The following CLIP4 variants were observed in gnomAD, a reference collection of about 807,000 sequenced individuals.
CLIP4 encodes the protein CAP-Gly domain-containing linker protein 4.
A neutral mutation model predicts 73.1 loss-of-function variants in CLIP4; 47 were observed. That is an observed-to-expected ratio of 0.64 (90% CI 0.51 to 0.82). The LOEUF is 0.82. Among genes scored for constraint, CLIP4 ranks in the 40% least tolerant of loss-of-function variants. The pLI is 0.00. For missense variants in CLIP4, 874 were observed against 852.9 expected, an observed-to-expected ratio of 1.02 and a Z score of -0.31; for synonymous variants, 306 against 295.4, an observed-to-expected ratio of 1.04 and a Z score of -0.37.
intron 4 of CLIP4, among the ~76,000 whole-genome samples, chr2:29,133,111 C>T (rs1010327473): frequency 6.6e-6 from 1 of 152,038 alleles, no homozygotes; most frequent in African/African-American, 2.4e-5. Flanking sequence ...TCGTGTAAGC[C>T]CAGTAGTTGA....
At chr2:29,133,549 A>G (rs1665130178) in intron 4 of CLIP4, 106 bp from the exon 5 acceptor site, 2 of 1,000,044 alleles carry the variant, frequency 2.0e-6, no homozygotes, top group Admixed American at 2.7e-5. Flanking sequence ...AAGTGTGTCT[A>G]TACAGTGCAC....
At position 29,181,729 on chromosome 2, in the gene CLIP4, A is replaced by G. The variant is rs894589143; in HGVS notation, c.1954A>G (p.Ile652Val). Residue 652 changes from isoleucine to valine, a missense_variant, in exon 16 of 16, where the codon ATC (isoleucine) becomes GTC (valine). Physicochemically the swap from Ile to Val is conservative, Grantham distance 29. Coordinates refer to ENST00000320081, the MANE Select transcript of CLIP4 (RefSeq NM_024692.6). ...YVGPTDFASG[I>V]WLGLELRSAK... ...GGGCCCCACTGACTTTGCTTCAGGT[A>G]TCTGGCTTGGACTTGAGCTCCGAAG... 4 of 1,614,058 alleles carry G rather than the reference A, an allele frequency of 2.5e-6. No homozygotes were observed. Among genetic ancestry groups the G allele is most frequent in the Non-Finnish European group, 2.5e-6 (3 of 1,180,030 alleles).
upstream of CLIP4, among the ~76,000 whole-genome samples, chr2:29,111,004 C>G (rs1240943231): frequency 6.6e-6 from 1 of 152,046 alleles, no homozygotes; most frequent in Admixed American, 6.6e-5. Context: ...AAGCCATAGA[C>G]TGAATAAGGT....
chr2:29,107,379 T>TTTTTTTTTG (rs1668254316), intron 1 of CLIP4, among the ~76,000 whole-genome samples: 1 of 129,974 alleles, frequency 7.7e-6, no homozygotes, highest in African/African-American at 3.0e-5. Flanking sequence ...TTTTTTTTTT[T>TTTTTTTTTG]TTTTTTTTTT....
intron 14 of CLIP4, among the ~76,000 whole-genome samples, chr2:29,172,252 A>G (rs1460090823): frequency 2.0e-5 from 3 of 152,068 alleles, no homozygotes; most frequent in East Asian, 1.9e-4. Flanking sequence ...TGTTACTCTC[A>G]TATTTCCCAG....
At chr2:29,152,598 A>C (rs1666646788) in intron 8 of CLIP4, 87 bp from the exon 9 acceptor site, 1 of 1,400,300 alleles carries the variant, frequency 7.1e-7, no homozygotes, top group Non-Finnish European at 9.7e-7. Flanking sequence ...GTTTATATTA[A>C]AGATTTATGT....
chr2:29,152,578 G>A, intron 8 of CLIP4, 107 bp from the exon 9 acceptor site: 2 of 1,110,170 alleles, frequency 1.8e-6, no homozygotes, highest in South Asian at 1.6e-5. Flanking sequence ...ACATGCAGTG[G>A]GCACTAAAGG....
chr2:29,108,096 A>T (rs1668283324), intron 1 of CLIP4, among the ~76,000 whole-genome samples: 1 of 152,072 alleles, frequency 6.6e-6, no homozygotes, highest in African/African-American at 2.4e-5. Flanking sequence ...TCCACAGGGG[A>T]TATGTTCTAA....
chr2:29,172,676 G>A (rs1402379407), intron 14 of CLIP4, among the ~76,000 whole-genome samples: 3 of 151,374 alleles, frequency 2.0e-5, no homozygotes, highest in Admixed American at 6.6e-5. Flanking sequence ...ATTTTTCTTA[G>A]CTCCTTCTGA....
chr2:29,133,963 ATTTC>A (rs1665167669), intron 5 of CLIP4, 147 bp downstream of exon 5: 1 of 647,632 alleles, frequency 1.5e-6, no homozygotes, highest in Non-Finnish European at 2.5e-6. Flanking sequence ...ATAGTTTAAA[ATTTC>A]TTTATTGAGT....
chr2:29,131,124 A>G, intron 2 of CLIP4, 134 bp from the exon 3 acceptor site: 2 of 914,806 alleles, frequency 2.2e-6, no homozygotes, highest in Admixed American at 3.1e-5. Context: ...TATTTTCCTT[A>G]TTTAGATACT....
chr2:29,176,682 G>A (rs556671722), intron 15 of CLIP4, among the ~76,000 whole-genome samples: 2 of 152,298 alleles, frequency 1.3e-5, no homozygotes, highest in Admixed American at 6.5e-5. Context: ...GGCATGAGGC[G>A]TTGATTCTCC....
intron 6 of CLIP4, among the ~76,000 whole-genome samples, chr2:29,141,745 GTCT>G (rs1356986852): frequency 2.0e-5 from 3 of 152,196 alleles, no homozygotes; most frequent in South Asian, 4.1e-4. Flanking sequence ...AGAAGGACAA[GTCT>G]TCTTTTTTTT....
chr2:29,181,138 G>C (rs75307162), intron 15 of CLIP4, among the ~76,000 whole-genome samples: 1 of 152,026 alleles, frequency 6.6e-6, no homozygotes, highest in South Asian at 2.1e-4. Flanking sequence ...TACATATTTT[G>C]TATGTTACAT....
intron 2 of CLIP4, among the ~76,000 whole-genome samples, chr2:29,126,816 C>T (rs1394559469): frequency 2.6e-5 from 4 of 152,228 alleles, no homozygotes; most frequent in Non-Finnish European, 5.9e-5. Flanking sequence ...TCAAATCATC[C>T]AGTAGGGGTT....
chr2:29,155,099 G>C (rs1420779339), intron 9 of CLIP4, among the ~76,000 whole-genome samples: 1 of 152,244 alleles, frequency 6.6e-6, no homozygotes, highest in Non-Finnish European at 1.5e-5. Context: ...ACATTGCAAT[G>C]AACACATAAA....
chr2:29,121,280 G>A, intron 1 of CLIP4, 94 bp from the exon 2 acceptor site: 1 of 1,201,278 alleles, frequency 8.3e-7, no homozygotes, highest in Non-Finnish European at 1.1e-6. Flanking sequence ...CAGCAGATTT[G>A]ACGTCAAATA....
chr2:29,132,164 G>C lies in CLIP4; in HGVS notation c.286G>C (p.Gly96Arg), dbSNP rs1280456519. ...DIIGNEILKRGCNVNDRDGLT... is the reference protein window; with the variant it reads ...DIIGNEILKRRCNVNDRDGLT... ...TTGACTGCTTCAGATTCTTAAGAGA[G>C]GTTGCAATGTGAATGATAGAGATGG... The change falls in exon 4 of 16, where the codon GGT becomes CGT. Residue 96 changes from glycine (G) to arginine (R), a missense_variant. Transcript: ENST00000320081. 6.2e-7 allele frequency: 1 copy of C among 1,613,410 alleles called. No homozygotes were observed. Among genetic ancestry groups the C allele is most frequent in the Non-Finnish European group, 8.5e-7 (1 of 1,179,482 alleles).
chr2:29,155,287 AC>A (rs1666846084), intron 9 of CLIP4, among the ~76,000 whole-genome samples: 1 of 152,112 alleles, frequency 6.6e-6, no homozygotes, highest in Non-Finnish European at 1.5e-5. Flanking sequence ...ACAGAACAAG[AC>A]CCTGTTTCTG....
Sources: allele counts gnomAD v4.1 joint callset (sites outside exome capture counted in the v4.1 genomes callset), GRCh38; gene constraint gnomAD v4.1.1; transcripts MANE v1.5; gene names NCBI Gene and HGNC (gene_info 2026-07-23, HGNC 2026-07-21).